Variants in SLC38A8 observed in about 807,000 individuals in gnomAD.
SLC38A8 encodes amino acid transporter SLC38A8.
SLC38A8 carries 65 observed loss-of-function variants against 46.0 expected under a neutral mutation model. The ratio of observed to expected loss-of-function variants is 1.41; its 90% confidence interval spans 1.16 to 1.74. The LOEUF is 1.74. Among genes scored for constraint, SLC38A8 ranks in the 40% most tolerant of loss-of-function variants. The pLI, the probability that SLC38A8 is intolerant of heterozygous loss-of-function variation, is 0.00. For synonymous variants in SLC38A8, 447 were observed against 243.7 expected (o/e 1.83, Z -7.77); for missense variants, 998 against 567.9 (o/e 1.76, Z -7.70).
intron 6 of SLC38A8, among the ~76,000 whole-genome samples, chr16:84,027,337 A>AAT (rs58765933): frequency 0.29 from 44,265 of 151,822 alleles, 8,572 homozygotes; most frequent in African/African-American, 0.56. Context: ...GCGACAGAGC[A>AAT]AGTCTGCCAC....
At chr16:84,035,092 C>A (rs936769401) in intron 3 of SLC38A8, among the ~76,000 whole-genome samples, 4 of 152,204 alleles carry the variant, frequency 2.6e-5, no homozygotes, top group African/African-American at 9.7e-5. Flanking sequence ...TCAATCAACC[C>A]AGACCTGGGG....
At chr16:84,032,795 C>A (rs987256598) in intron 4 of SLC38A8, among the ~76,000 whole-genome samples, 1 of 152,144 alleles carries the variant, frequency 6.6e-6, no homozygotes, top group Admixed American at 6.5e-5. Flanking sequence ...AGCTTTATTT[C>A]TTCCTAAGTA....
intron 4 of SLC38A8, 104 bp from the exon 5 acceptor site, chr16:84,032,072 G>C (rs1567700784): frequency 1.0e-6 from 1 of 983,522 alleles, no homozygotes; most frequent in Non-Finnish European, 1.6e-6. Flanking sequence ...TTGACAATGA[G>C]GTGCTGGCCA....
chr16:84,030,720 C>T (rs1233697356), intron 5 of SLC38A8, among the ~76,000 whole-genome samples: 2 of 152,182 alleles, frequency 1.3e-5, no homozygotes, highest in Non-Finnish European at 2.9e-5. Context: ...GCAGCACTGA[C>T]CACAGAATTC....
At chr16:84,024,771 C>T (rs2085141954) in intron 6 of SLC38A8, among the ~76,000 whole-genome samples, 1 of 152,092 alleles carries the variant, frequency 6.6e-6, no homozygotes, top group African/African-American at 2.4e-5. Context: ...CTCGCCGCAA[C>T]CTCCGCCTCC....
intron 10 of SLC38A8, among the ~76,000 whole-genome samples, chr16:84,011,210 G>A (rs759542676): frequency 1.3e-5 from 2 of 152,184 alleles, no homozygotes; most frequent in South Asian, 2.1e-4. Flanking sequence ...CAGCGCTGAT[G>A]TATTAGAAGG....
At chr16:84,021,121 G>T (rs2085089777) in intron 7 of SLC38A8, among the ~76,000 whole-genome samples, 1 of 152,078 alleles carries the variant, frequency 6.6e-6, no homozygotes, top group African/African-American at 2.4e-5. Context: ...GGAGTGCAAT[G>T]GTGCGATCTC....
intron 5 of SLC38A8, among the ~76,000 whole-genome samples, chr16:84,030,977 G>A (rs547630759): frequency 6.6e-6 from 1 of 152,270 alleles, no homozygotes; most frequent in East Asian, 1.9e-4. Context: ...CTCCCACTTG[G>A]TCTCTGTTGC....
chr16:84,021,677 G>C (rs56738423), intron 7 of SLC38A8, among the ~76,000 whole-genome samples: 30,258 of 152,012 alleles, frequency 0.2, 5,011 homozygotes, highest in African/African-American at 0.46. Flanking sequence ...CCGCTTCCAC[G>C]TTCCAGGTAG....
chr16:84,022,379 C>T (rs551717004), intron 7 of SLC38A8, among the ~76,000 whole-genome samples: 12 of 152,342 alleles, frequency 7.9e-5, no homozygotes, highest in African/African-American at 2.6e-4. Context: ...TTTGTGAGCA[C>T]CTGAGTCCAC....
At chr16:84,024,649 CA>C (rs2085140054) in intron 6 of SLC38A8, among the ~76,000 whole-genome samples, 1 of 151,988 alleles carries the variant, frequency 6.6e-6, no homozygotes, top group Non-Finnish European at 1.5e-5. Flanking sequence ...GGTGTGGTGG[CA>C]AGCACCTGTA....
rs1231212653 is a variant in SLC38A8 at position 84,028,005 on chromosome 16, G to A, written c.690+1489C>T. On this transcript the variant is annotated intron_variant, in intron 6 of 10. Transcript: ENST00000299709. ...GCTTGCTGAGGCCCTGAAGCAGCAC[G>A]CCGACTGATTACGAGGAAGAGAAAT... Among the ~76,000 whole-genome samples, 12 of 152,070 alleles carry A rather than the reference G, an allele frequency of 7.9e-5. No individual in the cohort carries two copies. In the South Asian group the frequency reaches 1.2e-3, roughly 16 times the overall value.
At chr16:84,032,968 AT>A (rs2085261976) in intron 4 of SLC38A8, among the ~76,000 whole-genome samples, 1 of 29,748 alleles carries the variant, frequency 3.4e-5, no homozygotes, top group African/African-American at 1.7e-4. Flanking sequence ...GTGGGTGTGC[AT>A]GGGGGGGTGT....
chr16:84,027,928 T>A (rs981327823), intron 6 of SLC38A8, among the ~76,000 whole-genome samples: 12 of 152,200 alleles, frequency 7.9e-5, no homozygotes, highest in Non-Finnish European at 1.3e-4. Context: ...GCTCTTCAGA[T>A]CTTTCAAAAT....
chr16:84,037,979 T>A (rs2085320979), intron 2 of SLC38A8, among the ~76,000 whole-genome samples: 2 of 152,002 alleles, frequency 1.3e-5, no homozygotes, highest in Admixed American at 6.5e-5. Context: ...CAGCTAATTG[T>A]TTTTTGTATT....
intron 9 of SLC38A8, among the ~76,000 whole-genome samples, chr16:84,013,573 G>GGTGA: frequency 6.6e-6 from 1 of 151,540 alleles, no homozygotes; most frequent in East Asian, 1.9e-4. Context: ...TGGGACTACA[G>GGTGA]GTGCGTGCCA....
chr16:84,017,184 A>G lies in SLC38A8; in HGVS notation c.909T>C (p.Ala303=). ...TGGGGTAGACAGTTACGATGGAGAC[A>G]GCAAAAAGGACCCGGGCCACAATGA... ...MVIIVARVLF[A]VSIVTVYPIV... is the part of the protein sequence containing the mutation. The change falls in exon 8 of 11, where the codon GCT becomes GCC. Residue 303 remains alanine, a synonymous_variant. Coordinates refer to ENST00000299709, the MANE Select transcript of SLC38A8 (RefSeq NM_001080442.3). The G allele has an allele frequency of 6.2e-7, 1 of 1,614,168 alleles. No homozygotes were observed. Among genetic ancestry groups the G allele is most frequent in the Non-Finnish European group, 8.5e-7 (1 of 1,180,026 alleles).
At chr16:84,029,690 C>T (rs901641408) in intron 5 of SLC38A8, 139 bp from the exon 6 acceptor site, 5 of 823,880 alleles carry the variant, frequency 6.1e-6, no homozygotes, top group East Asian at 2.7e-5. Flanking sequence ...TGACTGTGTC[C>T]GTGACCGGGC....
At chr16:84,024,033 C>A (rs1038732317) in intron 6 of SLC38A8, among the ~76,000 whole-genome samples, 2 of 152,206 alleles carry the variant, frequency 1.3e-5, no homozygotes, top group Non-Finnish European at 1.5e-5. Context: ...TTGGCAGCCG[C>A]CCTGTGTGTT....
Sources: gnomAD v4.1 joint callset for allele counts (sites outside exome capture counted in the v4.1 genomes callset) on GRCh38, gnomAD v4.1.1 for gene constraint, MANE v1.5 for transcripts, NCBI Gene and HGNC (gene_info 2026-07-23, HGNC 2026-07-21) for gene names.